Variants in PLCXD3 observed in about 807,000 individuals in gnomAD.
PLCXD3 encodes phosphatidylinositol specific phospholipase C X domain containing 3.
In PLCXD3, 19 loss-of-function variants were observed where a neutral mutation model predicts 25.5. The observed-to-expected ratio is 0.75, with a 90% CI of 0.52 to 1.09. The LOEUF is 1.09. PLCXD3 is among the 50% of genes least tolerant of loss of function. The pLI is 0.00. For missense variants in PLCXD3, 411 were observed against 388.1 expected, an observed-to-expected ratio of 1.06 and a Z score of -0.50; for synonymous variants, 174 against 137.6, an observed-to-expected ratio of 1.26 and a Z score of -1.85.
At chr5:41,431,899 G>T (rs536473716) in intron 1 of PLCXD3, among the ~76,000 whole-genome samples, 1 of 152,204 alleles carries the variant, frequency 6.6e-6, no homozygotes, top group African/African-American at 2.4e-5. Context: ...CCTGCAACTT[G>T]TCCATGATAG....
At chr5:41,363,620 A>G (rs1744851061) in intron 2 of PLCXD3, among the ~76,000 whole-genome samples, 1 of 152,186 alleles carries the variant, frequency 6.6e-6, no homozygotes, top group Non-Finnish European at 1.5e-5. Flanking sequence ...TCTGTTCATG[A>G]GGAAAGAAAA....
chr5:41,428,824 A>T, intron 1 of PLCXD3, among the ~76,000 whole-genome samples: 1 of 152,212 alleles, frequency 6.6e-6, no homozygotes, highest in East Asian at 1.9e-4. Flanking sequence ...ACTGTTAAAA[A>T]ACAAATAGAT....
rs185202484 is a variant in PLCXD3, at chr5:41,498,397, C to G, written c.103+12027G>C. Among the ~76,000 whole-genome samples the G allele has an allele frequency of 3.9e-3, 585 of 150,356 alleles. 4 individuals carry two copies. The highest frequency in any genetic ancestry group is 0.013 in the African/African-American group (543 of 41,062). On this transcript the variant is annotated intron_variant, in intron 1 of 2. Coordinates refer to ENST00000377801, the MANE Select transcript of PLCXD3 (RefSeq NM_001005473.3). ...AGATGCTACTATAAACAATTATATACCAAAAAAATGGGATAAACCAGAGGA... is the reference window on the plus strand; with the variant it reads ...AGATGCTACTATAAACAATTATATAGCAAAAAAATGGGATAAACCAGAGGA...
Position 41,454,524 on chromosome 5 carries a change from C to T in PLCXD3, c.103+55900G>A, listed in dbSNP as rs56789248. Among the ~76,000 whole-genome samples the T allele has an allele frequency of 7.9e-3, 1,204 of 152,040 alleles. 15 individuals are homozygous for T. The highest frequency in any genetic ancestry group is 0.028 in the African/African-American group (1,144 of 41,510). On this transcript the variant is annotated intron_variant, in intron 1 of 2. Transcript: ENST00000377801. ...GACAGAGCCCTAATGACCTAATTAC[C>T]TTCCAAAGGCCCCACCTTCTAATAC... is the stretch of plus-strand genomic sequence containing the variant.
chr5:41,492,760 G>A (rs1399568322), intron 1 of PLCXD3, among the ~76,000 whole-genome samples: 2 of 152,136 alleles, frequency 1.3e-5, no homozygotes, highest in African/African-American at 4.8e-5. Context: ...CGTAGTTCTC[G>A]AGCCTTGGCT....
chr5:41,410,698 G>A (rs6899261), intron 1 of PLCXD3, among the ~76,000 whole-genome samples: 2,359 of 152,112 alleles, frequency 0.016, 60 homozygotes, highest in African/African-American at 0.055. Context: ...TTATCCTTGT[G>A]ACAAGGACCT....
intron 2 of PLCXD3, among the ~76,000 whole-genome samples, chr5:41,339,816 CT>C (rs1313523679): frequency 1.3e-5 from 2 of 152,038 alleles, no homozygotes; most frequent in African/African-American, 2.4e-5. Context: ...TAAAAATGAC[CT>C]TAAAAAGATG....
At chr5:41,346,404 G>C (rs944508457) in intron 2 of PLCXD3, among the ~76,000 whole-genome samples, 1 of 152,112 alleles carries the variant, frequency 6.6e-6, no homozygotes, top group African/African-American at 2.4e-5. Context: ...TATGGGTTTT[G>C]ACAAATGCAT....
intron 2 of PLCXD3, among the ~76,000 whole-genome samples, chr5:41,354,246 AC>A (rs1437657657): frequency 6.6e-6 from 1 of 152,210 alleles, no homozygotes; most frequent in African/African-American, 2.4e-5. Flanking sequence ...ATGCTAGAGA[AC>A]CAGGCTCTTC....
rs2150495268 is a variant in PLCXD3 at position 41,389,196 on chromosome 5, G to C, written c.104-6662C>G. ...GCCTATTGATGTGCTGGTGATTTGA[G>C]ATATAGAGCATCTCTGTGAAATAAA... is the stretch of plus-strand genomic sequence containing the variant. On this transcript the variant is annotated intron_variant, in intron 1 of 2. Transcript: ENST00000377801. Among the ~76,000 whole-genome samples the C allele has an allele frequency of 3.9e-5, 6 of 152,100 alleles. 2 individuals carry two copies. The highest frequency in any genetic ancestry group is 3.9e-4 in the Admixed American group (6 of 15,242).
chr5:41,414,290 A>G (rs541922621), intron 1 of PLCXD3, among the ~76,000 whole-genome samples: 2 of 151,872 alleles, frequency 1.3e-5, no homozygotes, highest in Non-Finnish European at 2.9e-5. Flanking sequence ...GCTGGAGTGC[A>G]ATGGCGCGAT....
intron 1 of PLCXD3, among the ~76,000 whole-genome samples, chr5:41,453,241 G>A (rs1747676648): frequency 6.6e-6 from 1 of 151,594 alleles, no homozygotes; most frequent in Non-Finnish European, 1.5e-5. Context: ...CCACATATAT[G>A]CCATTCCATT....
intron 2 of PLCXD3, among the ~76,000 whole-genome samples, chr5:41,372,718 C>G (rs1350757458): frequency 6.6e-6 from 1 of 151,990 alleles, no homozygotes; most frequent in Non-Finnish European, 1.5e-5. Context: ...GTACCCCCTT[C>G]TTGACCAAAA....
intron 2 of PLCXD3, among the ~76,000 whole-genome samples, chr5:41,367,995 CTA>C (rs1744986163): frequency 6.6e-6 from 1 of 151,854 alleles, no homozygotes; most frequent in African/African-American, 2.4e-5. Context: ...TTCCATTTTT[CTA>C]TGTGTCTGTT....
intron 2 of PLCXD3, among the ~76,000 whole-genome samples, chr5:41,326,295 G>T (rs1474185555): frequency 6.6e-6 from 1 of 152,086 alleles, no homozygotes; most frequent in Non-Finnish European, 1.5e-5. Flanking sequence ...TGTTGCCACA[G>T]TCTTGTGCCT....
intron 1 of PLCXD3, among the ~76,000 whole-genome samples, chr5:41,509,804 C>G (rs1352504765): frequency 6.6e-6 from 1 of 152,228 alleles, no homozygotes; most frequent in Admixed American, 6.5e-5. Context: ...GGGGTCCAAA[C>G]CGATACGAAA....
intron 1 of PLCXD3, among the ~76,000 whole-genome samples, chr5:41,499,383 C>T (rs2111576177): frequency 6.6e-6 from 1 of 151,564 alleles, no homozygotes; most frequent in South Asian, 2.1e-4. Context: ...ATTAAGAAAA[C>T]AATCCCACTT....
In PLCXD3 at chr5:41,385,229, G is replaced by A. The variant is rs77981145; in HGVS notation, c.104-2695C>T. Among the ~76,000 whole-genome samples, 1,089 of 152,030 alleles carry A rather than the reference G, an allele frequency of 7.2e-3. 9 individuals are homozygous for A. The highest frequency in any genetic ancestry group is 0.013 in the Non-Finnish European group (869 of 67,958). ...AGTCCTCTTTGATCTTGAACTTTTC[G>A]GCTATATCTGGTCTGATATTTTGCT... On this transcript the variant is annotated intron_variant, in intron 1 of 2. Transcript: ENST00000377801.
At chr5:41,449,509 C>T (rs958111933) in intron 1 of PLCXD3, among the ~76,000 whole-genome samples, 2 of 152,050 alleles carry the variant, frequency 1.3e-5, no homozygotes, top group Non-Finnish European at 2.9e-5. Context: ...TGCCCAAAAG[C>T]AGACTATGAG....
Sources: gnomAD v4.1 joint callset for allele counts (sites outside exome capture counted in the v4.1 genomes callset) on GRCh38, gnomAD v4.1.1 for gene constraint, MANE v1.5 for transcripts, NCBI Gene and HGNC (gene_info 2026-07-23, HGNC 2026-07-21) for gene names.